VRK3: variants seen among roughly 807,000 people sequenced by gnomAD.
VRK3 encodes the protein VRK serine/threonine kinase 3.
A neutral mutation model predicts 60.4 loss-of-function variants in VRK3; 50 were observed. The ratio of observed to expected loss-of-function variants is 0.83; its 90% CI spans 0.66 to 1.05. The LOEUF (loss-of-function observed/expected upper bound fraction) is 1.05. Among genes scored for constraint, VRK3 ranks in the 50% least tolerant of loss-of-function variants. VRK3 has a pLI of 0.00. For missense variants in VRK3, 549 were observed against 585.3 expected (o/e 0.94, Z 0.64); for synonymous variants, 246 against 227.8 (o/e 1.08, Z -0.72).
At chr19:50,014,253 G>A (rs1047387644) in intron 3 of VRK3, among the ~76,000 whole-genome samples, 1 of 151,084 alleles carries the variant, frequency 6.6e-6, no homozygotes, top group Non-Finnish European at 1.5e-5. Context: ...GGGTGACAGA[G>A]CGAGACTGTT....
At chr19:50,008,281 A>G (rs2076934622) in intron 4 of VRK3, among the ~76,000 whole-genome samples, 2 of 151,352 alleles carry the variant, frequency 1.3e-5, no homozygotes, top group South Asian at 4.2e-4. Flanking sequence ...GAGATAGAAA[A>G]GGGCCAAAAA....
intron 13 of VRK3, 103 bp from the exon 14 acceptor site, chr19:49,979,345 G>A (rs1367754341): frequency 6.6e-7 from 1 of 1,517,300 alleles, no homozygotes; most frequent in Non-Finnish European, 9.0e-7. Context: ...GGACTGAGGG[G>A]CATGAGGGTC....
intron 2 of VRK3, 72 bp from the exon 3 acceptor site, chr19:50,016,235 C>T (rs1249509962): frequency 2.5e-6 from 4 of 1,584,950 alleles, no homozygotes; most frequent in Non-Finnish European, 3.4e-6. Flanking sequence ...TGTTGAACTG[C>T]TCTTAATCAC....
chr19:49,988,747 C>G (rs2076560490), intron 11 of VRK3, among the ~76,000 whole-genome samples: 1 of 152,204 alleles, frequency 6.6e-6, no homozygotes, highest in Admixed American at 6.5e-5. Flanking sequence ...TTCATTCATG[C>G]ACTCATTCAA....
intron 10 of VRK3, among the ~76,000 whole-genome samples, chr19:49,990,393 CTTAT>C (rs1278840828): frequency 6.6e-6 from 1 of 152,130 alleles, no homozygotes; most frequent in Non-Finnish European, 1.5e-5. Flanking sequence ...AAAATATCTA[CTTAT>C]TTATTTTGAG....
chr19:50,000,799 T>C lies in VRK3; in HGVS notation c.603A>G (p.Ser201=), dbSNP rs11879616. The C allele has an allele frequency of 9.9e-3, 15,895 of 1,613,084 alleles. 1,367 individuals carry two copies. In the African/African-American group the frequency reaches 0.19, roughly 19 times the overall value. The change falls in exon 6 of 15, where the codon TCA becomes TCG. Residue 201 remains serine, a synonymous_variant. Transcript: ENST00000316763. ...CDSGPQKQKF[S]LKLDAKDGRL... ...CTGCAGGGTCACTTACCAGTTTGAG[T>C]GAGAACTTTTGCTTCTGTGGTCCTG... is the stretch of plus-strand genomic sequence containing the variant.
chr19:49,993,233 G>T (rs1358634430), intron 9 of VRK3, among the ~76,000 whole-genome samples: 1 of 152,200 alleles, frequency 6.6e-6, no homozygotes, highest in Middle Eastern at 3.2e-3. Flanking sequence ...ACTCAGCAGA[G>T]GGAAAAGGGG....
chr19:49,978,084 C>T (rs1423690401), intron 14 of VRK3, among the ~76,000 whole-genome samples: 4 of 152,192 alleles, frequency 2.6e-5, no homozygotes, highest in African/African-American at 9.7e-5. Flanking sequence ...TAGGATCTCA[C>T]AATCGTGGTG....
chr19:49,979,047 G>A (rs755095645), intron 14 of VRK3, 36 bp downstream of exon 14: 67 of 1,556,184 alleles, frequency 4.3e-5, no homozygotes, highest in Admixed American at 5.6e-5. Flanking sequence ...GTGAGGGCAA[G>A]GGGTGAGAGG....
chr19:50,008,116 A>C (rs2076930515), intron 4 of VRK3, among the ~76,000 whole-genome samples: 1 of 152,138 alleles, frequency 6.6e-6, no homozygotes, highest in Non-Finnish European at 1.5e-5. Context: ...ATTAGGGCCC[A>C]AAAGAGAAAG....
At chr19:50,017,669 A>G (rs1272590089) in intron 2 of VRK3, among the ~76,000 whole-genome samples, 1 of 150,858 alleles carries the variant, frequency 6.6e-6, no homozygotes. Context: ...GAAAGAGAAT[A>G]TTCATTTTTA....
At chr19:49,979,296 C>T in intron 13 of VRK3, 54 bp from the exon 14 acceptor site, 2 of 1,612,314 alleles carry the variant, frequency 1.2e-6, no homozygotes, top group South Asian at 2.2e-5. Context: ...TCCCCCAACC[C>T]CGATCCTGGG....
intron 10 of VRK3, among the ~76,000 whole-genome samples, chr19:49,990,745 T>C (rs1376297004): frequency 6.6e-6 from 1 of 152,102 alleles, no homozygotes; most frequent in African/African-American, 2.4e-5. Flanking sequence ...GGCTCCCTGT[T>C]TTTCTGTTTA....
chr19:50,019,594 C>A (rs563921242), intron 2 of VRK3, among the ~76,000 whole-genome samples: 55 of 148,256 alleles, frequency 3.7e-4, no homozygotes, highest in Non-Finnish European at 6.2e-4. Flanking sequence ...ACTGCGGCCT[C>A]GAGCTCTTGG....
intron 1 of VRK3, among the ~76,000 whole-genome samples, chr19:50,021,739 A>C (rs1461163756): frequency 6.6e-6 from 1 of 152,226 alleles, no homozygotes; most frequent in Non-Finnish European, 1.5e-5. Context: ...TGTTCTCTAG[A>C]CATAGTAACC....
chr19:49,987,035 C>G (rs1157930485), intron 12 of VRK3: 1 of 152,230 alleles, frequency 6.6e-6, no homozygotes, highest in Admixed American at 6.5e-5. Context: ...ACCACTGCTT[C>G]GGCTAATTTT....
In VRK3 at chr19:49,989,781, C is replaced by T. The variant is rs778307659; in HGVS notation, c.964-10G>A. 3.1e-5 allele frequency: 49 copies of T among 1,606,338 alleles called. No individual in the cohort carries two copies. In the South Asian group the frequency reaches 5.3e-4, roughly 17 times the overall value. On this transcript the variant is annotated splice_polypyrimidine_tract_variant and intron_variant, in intron 10 of 14. Transcript: ENST00000316763. ...AGCCTGCCAAAGTCACCTGTGGACA[C>T]AGGGAAAAGCCATACAGATTGGAGG...
intron 1 of VRK3, chr19:50,024,785 T>C (rs1046698361): frequency 1.3e-5 from 2 of 152,244 alleles, no homozygotes; most frequent in African/African-American, 4.8e-5. Context: ...CAGGCCAGTC[T>C]TTATCTTAAT....
At chr19:50,024,321 C>T (rs2077226545) in intron 1 of VRK3, among the ~76,000 whole-genome samples, 2 of 152,190 alleles carry the variant, frequency 1.3e-5, no homozygotes, top group South Asian at 4.1e-4. Context: ...ATGATTTGCA[C>T]AACAAAATCT....
Sources: allele counts gnomAD v4.1 joint callset (sites outside exome capture counted in the v4.1 genomes callset), GRCh38; gene constraint gnomAD v4.1.1; transcripts MANE v1.5; gene names NCBI Gene and HGNC (gene_info 2026-07-23, HGNC 2026-07-21).